The following TCF12 variants were observed in gnomAD, a reference collection of about 807,000 sequenced individuals.
TCF12 encodes the protein DNA-binding protein HTF4.
A neutral mutation model predicts 86.0 loss-of-function variants in TCF12; 45 were observed. The observed-to-expected ratio is 0.52, with a 90% CI of 0.41 to 0.67. The LOEUF (loss-of-function observed/expected upper bound fraction) is 0.67, where lower values mean the gene tolerates loss of function less well. Among genes scored for constraint, TCF12 ranks in the 30% least tolerant of loss-of-function variants. The pLI is 0.00. For missense variants in TCF12, 881 were observed against 859.9 expected (o/e 1.02, Z -0.31); for synonymous variants, 330 against 299.6 (o/e 1.10, Z -1.05).
chr15:56,918,179 G>A, upstream of TCF12: 1 of 456,148 alleles, frequency 2.2e-6, no homozygotes, highest in Non-Finnish European at 4.4e-6. Flanking sequence ...TCTGGGCCCA[G>A]CTTAGGGTGG....
chr15:57,062,928 C>T (rs183847165), intron 3 of TCF12, among the ~76,000 whole-genome samples: 48 of 152,230 alleles, frequency 3.2e-4, no homozygotes, highest in Middle Eastern at 3.4e-3. Context: ...CTGGAGTCTT[C>T]AAAACAGAAG....
In TCF12 at chr15:57,109,213, A is replaced by G. The variant is rs539946079; in HGVS notation, c.325+17322A>G. The G allele has an allele frequency of 5.9e-5, 9 of 152,238 alleles. No individual in the cohort carries two copies. In the South Asian group the frequency reaches 1.5e-3, roughly 25 times the overall value. 9.4% of individuals were successfully genotyped at this position (152,238 alleles called of 1,614,324 possible). ...TGCATGCAAAGCTAAGCAGAGTACA[A>G]TTTTCCCCAGTGGGTCTTCTTTCTC... On this transcript the variant is annotated intron_variant, in intron 5 of 20. Transcript: ENST00000333725.
intron 5 of TCF12, among the ~76,000 whole-genome samples, chr15:57,120,092 A>G (rs1011225386): frequency 1.2e-4 from 19 of 152,098 alleles, no homozygotes; most frequent in African/African-American, 4.6e-4. Context: ...TTTTTGCCTA[A>G]TTAAATCTGT....
chr15:57,101,209 TTTG>T (rs2049720577), intron 5 of TCF12, among the ~76,000 whole-genome samples: 1 of 151,870 alleles, frequency 6.6e-6, no homozygotes, highest in South Asian at 2.1e-4. Flanking sequence ...TGTTTTTTGT[TTTG>T]TTTTGTTTTT....
chr15:57,162,628 C>G (rs779899620), intron 5 of TCF12, among the ~76,000 whole-genome samples: 3 of 152,088 alleles, frequency 2.0e-5, no homozygotes, highest in Admixed American at 2.0e-4. Flanking sequence ...AGTTTTCATT[C>G]TCTTTGAATT....
chr15:56,961,458 G>T (rs746208480), intron 3 of TCF12, among the ~76,000 whole-genome samples: 17 of 152,188 alleles, frequency 1.1e-4, no homozygotes, highest in Non-Finnish European at 2.1e-4. Context: ...TCCATAGTTA[G>T]ATTTGTATAA....
chr15:57,153,723 G>A (rs1455704566), intron 5 of TCF12, among the ~76,000 whole-genome samples: 1 of 152,126 alleles, frequency 6.6e-6, no homozygotes, highest in African/African-American at 2.4e-5. Flanking sequence ...TAAATGGAAT[G>A]CTCAATCTAA....
chr15:57,237,640 C>A (rs553458387), intron 12 of TCF12, among the ~76,000 whole-genome samples: 1 of 152,258 alleles, frequency 6.6e-6, no homozygotes, highest in Non-Finnish European at 1.5e-5. Context: ...TCACTCTTTA[C>A]CCCCATTTTT....
chr15:57,152,662 G>C (rs1157678011), intron 5 of TCF12, among the ~76,000 whole-genome samples: 1 of 151,402 alleles, frequency 6.6e-6, no homozygotes, highest in Non-Finnish European at 1.5e-5. Flanking sequence ...AACACAAAGA[G>C]AAAAAAAATG....
chr15:56,932,096 T>C (rs1228077908), intron 3 of TCF12, among the ~76,000 whole-genome samples: 5 of 152,080 alleles, frequency 3.3e-5, no homozygotes, highest in African/African-American at 1.2e-4. Flanking sequence ...CTCACTGAGT[T>C]TGACTCTGGA....
At chr15:57,285,374 A>G (rs555064480) in intron 20 of TCF12, among the ~76,000 whole-genome samples, 1 of 152,368 alleles carries the variant, frequency 6.6e-6, no homozygotes, top group South Asian at 2.1e-4. Flanking sequence ...AGAAAATTTC[A>G]GAGTTACTGC....
chr15:57,119,794 C>A (rs1308878169), intron 5 of TCF12, among the ~76,000 whole-genome samples: 2 of 152,082 alleles, frequency 1.3e-5, no homozygotes, highest in African/African-American at 4.8e-5. Flanking sequence ...GAATTCACCT[C>A]TTTCTCTTAA....
intron 5 of TCF12, among the ~76,000 whole-genome samples, chr15:57,143,695 CAT>C (rs1374772928): frequency 2.0e-5 from 3 of 152,278 alleles, no homozygotes; most frequent in African/African-American, 4.8e-5. Flanking sequence ...TGCCTATACA[CAT>C]GAGTGTACCC....
At chr15:56,918,412 G>C (rs989270536), upstream of TCF12, 2 of 361,428 alleles carry the variant, frequency 5.5e-6, no homozygotes, top group African/African-American at 4.3e-5. Context: ...GCGAGCGGTC[G>C]GGGCCTGCTT....
Position 57,230,834 on chromosome 15 carries a change from C to A in TCF12, c.580-318C>A, listed in dbSNP as rs1391232159. On this transcript the variant is annotated intron_variant, in intron 8 of 20. Transcript: ENST00000333725. ...GCTCGATCAGATTTTGAATCCTGAG[C>A]CTATGTGAGGTTTGTGTTTGGTAAG... Among the ~76,000 whole-genome samples the A allele has an allele frequency of 2.0e-5, 3 of 151,796 alleles. No individual in the cohort carries two copies. In the East Asian group the frequency reaches 5.8e-4, roughly 29 times the overall value.
intron 8 of TCF12, among the ~76,000 whole-genome samples, chr15:57,225,034 G>T (rs1379219423): frequency 6.6e-6 from 1 of 151,950 alleles, no homozygotes. Flanking sequence ...TCTGTCATTT[G>T]TTGAAATATT....
chr15:57,081,048 T>C (rs1423232306), intron 4 of TCF12, among the ~76,000 whole-genome samples: 7 of 152,218 alleles, frequency 4.6e-5, no homozygotes, highest in Admixed American at 4.6e-4. Flanking sequence ...TGTGGCTTCA[T>C]GAGAGTCCCC....
chr15:57,102,297 G>A (rs976343595), intron 5 of TCF12, among the ~76,000 whole-genome samples: 10 of 152,138 alleles, frequency 6.6e-5, no homozygotes, highest in African/African-American at 2.2e-4. Context: ...ATTTGTTGAA[G>A]AATTAATAAG....
chr15:57,115,408 G>A (rs2050770802), intron 5 of TCF12, among the ~76,000 whole-genome samples: 2 of 152,066 alleles, frequency 1.3e-5, no homozygotes, highest in Non-Finnish European at 2.9e-5. Context: ...TGATGAAATT[G>A]GCAGTGACAT....
Sources: allele counts gnomAD v4.1 joint callset (sites outside exome capture counted in the v4.1 genomes callset), GRCh38; gene constraint gnomAD v4.1.1; transcripts MANE v1.5; gene names NCBI Gene and HGNC (gene_info 2026-07-23, HGNC 2026-07-21).